Variants in SLC10A1 observed in about 807,000 individuals in gnomAD.
SLC10A1 encodes hepatic sodium/bile acid cotransporter.
SLC10A1 carries 36 observed loss-of-function variants against 20.5 expected under a neutral mutation model. The observed-to-expected ratio is 1.75, with a 90% CI of 1.34 to 2.32. SLC10A1 has a LOEUF of 2.32. SLC10A1 is among the 30% of genes most tolerant of loss of function. The probability of loss-of-function intolerance (pLI) is 0.00; values close to 1 mark genes in which losing one functional copy is unlikely to be tolerated. For missense variants in SLC10A1, 545 were observed against 439.1 expected (o/e 1.24, Z -2.16); for synonymous variants, 188 against 163.6 (o/e 1.15, Z -1.14).
intron 4 of SLC10A1, among the ~76,000 whole-genome samples, chr14:69,777,152 TTC>T (rs1362842618): frequency 6.6e-6 from 1 of 152,192 alleles, no homozygotes; most frequent in Non-Finnish European, 1.5e-5. Flanking sequence ...GTCTAGAAAC[TTC>T]TGTGCACTTT....
At chr14:69,783,482 G>A (rs988687860) in intron 2 of SLC10A1, among the ~76,000 whole-genome samples, 1 of 152,186 alleles carries the variant, frequency 6.6e-6, no homozygotes. Flanking sequence ...TAAAGGATGA[G>A]TGGGAGTGAT....
At chr14:69,779,507 T>C (rs1467334068) in intron 2 of SLC10A1, 147 bp from the exon 3 acceptor site, 3 of 570,108 alleles carry the variant, frequency 5.3e-6, no homozygotes, top group Non-Finnish European at 6.0e-6. Context: ...TTATCTTCTT[T>C]TTGGATTCCT....
chr14:69,780,106 T>C (rs2139711803), intron 2 of SLC10A1, among the ~76,000 whole-genome samples: 1 of 152,350 alleles, frequency 6.6e-6, no homozygotes, highest in Non-Finnish European at 1.5e-5. Flanking sequence ...ACCTACTTTC[T>C]TGAGTGACCT....
At chr14:69,788,634 T>A (rs896679442) in intron 1 of SLC10A1, among the ~76,000 whole-genome samples, 1 of 151,508 alleles carries the variant, frequency 6.6e-6, no homozygotes, top group Admixed American at 6.6e-5. Context: ...AAGCTCCGCC[T>A]CCTGGGTTCA....
In SLC10A1 at chr14:69,776,309, C is replaced by A; in HGVS notation, c.1023G>T (p.Gly341=). ...AGGCTGTGCAAGGGGAGCAGTCCTC[C>A]CCTTTGTAGGTGCCATTTCCCAGAG... ...PGALGNGTYK[G]EDCSPCTA Residue 341 remains glycine, a synonymous_variant, in exon 5 of 5, where the codon GGG becomes GGT. Coordinates refer to ENST00000216540, the MANE Select transcript of SLC10A1 (RefSeq NM_003049.4). The A allele has an allele frequency of 6.2e-7, 1 of 1,613,482 alleles. No individual in the cohort carries two copies. Among genetic ancestry groups the A allele is most frequent in the South Asian group, 1.1e-5 (1 of 91,040 alleles).
intron 1 of SLC10A1, among the ~76,000 whole-genome samples, chr14:69,788,579 C>A (rs1883776031): frequency 6.7e-6 from 1 of 148,952 alleles, no homozygotes; most frequent in Non-Finnish European, 1.5e-5. Context: ...GAGTCTTGCT[C>A]TGTCGCCCAG....
intron 2 of SLC10A1, among the ~76,000 whole-genome samples, chr14:69,782,061 C>G (rs777372725): frequency 1.3e-5 from 2 of 152,260 alleles, no homozygotes; most frequent in Non-Finnish European, 2.9e-5. Flanking sequence ...GCATAGTCCT[C>G]GAAGAGCCAT....
intron 1 of SLC10A1, 106 bp from the exon 2 acceptor site, chr14:69,786,413 G>T: frequency 1.2e-6 from 1 of 828,126 alleles, no homozygotes; most frequent in East Asian, 2.6e-5. Flanking sequence ...GACATATGTG[G>T]CTTCAGTTCC....
chr14:69,790,537 T>C (rs1435880459), intron 1 of SLC10A1, among the ~76,000 whole-genome samples: 1 of 152,064 alleles, frequency 6.6e-6, no homozygotes, highest in Admixed American at 6.5e-5. Context: ...TACTATATTA[T>C]TAAAGAAATG....
intron 1 of SLC10A1, among the ~76,000 whole-genome samples, chr14:69,788,836 G>T (rs879483687): frequency 1.3e-5 from 2 of 151,816 alleles, no homozygotes; most frequent in Non-Finnish European, 2.9e-5. Flanking sequence ...GTGAGCCACC[G>T]CGCCCGGCCA....
chr14:69,778,395 A>C lies in SLC10A1; in HGVS notation c.881T>G (p.Leu294Arg). The change falls in exon 4 of 5, where the codon CTT becomes CGT. Residue 294 changes from leucine (L) to arginine (R), a missense_variant. By Grantham distance (102) the Leu-to-Arg change is moderately radical. Coordinates refer to ENST00000216540, the MANE Select transcript of SLC10A1 (RefSeq NM_003049.4). The stretch of plus-strand genomic sequence containing the variant: ...GGCAATGAGGAGAAGCCCTTCTCCA[A>C]GCTGGAAAATCATGTAGAGGAGGGG... ...FFPLLYMIFQ[L>R]GEGLLLIAIF... 6.2e-7 allele frequency: 1 copy of C among 1,614,004 alleles called. No individual in the cohort carries two copies.
intron 1 of SLC10A1, among the ~76,000 whole-genome samples, chr14:69,795,421 A>G (rs1220076281): frequency 6.7e-5 from 9 of 134,284 alleles, no homozygotes; most frequent in Non-Finnish European, 1.4e-4. Context: ...TTTTTTTGAG[A>G]GAGAGACAGG....
intron 1 of SLC10A1, among the ~76,000 whole-genome samples, chr14:69,790,731 G>T (rs890423201): frequency 6.6e-6 from 1 of 151,968 alleles, no homozygotes; most frequent in Admixed American, 6.6e-5. Flanking sequence ...ATAAAGCAAA[G>T]ATAGTCATTA....
chr14:69,783,967 A>T (rs1883655944), intron 2 of SLC10A1, among the ~76,000 whole-genome samples: 1 of 152,164 alleles, frequency 6.6e-6, no homozygotes, highest in South Asian at 2.1e-4. Flanking sequence ...TTTAACATAT[A>T]TTGAGTTTTA....
chr14:69,777,865 T>TA (rs1198812161), intron 4 of SLC10A1, among the ~76,000 whole-genome samples: 1 of 151,694 alleles, frequency 6.6e-6, no homozygotes, highest in Non-Finnish European at 1.5e-5. Flanking sequence ...TTCTGGGTTA[T>TA]ATTAGGGTGC....
rs1017638391 is a variant in SLC10A1, at chr14:69,777,583, T to G, written c.943+750A>C. 2.1e-3 allele frequency among the ~76,000 whole-genome samples: 187 copies of G among 87,522 alleles called. 4 individuals carry two copies. Among genetic ancestry groups the G allele is most frequent in the Non-Finnish European group, 2.1e-3 (98 of 47,576 alleles). The allele number at this position is 87,522 out of a possible 152,430, so 57.4% of individuals were successfully genotyped here. A position where few individuals can be genotyped will look rare whatever the true frequency, so the allele number is the denominator to read the frequency against. ...AAAGTGGGTTTGAATGTCCTGTTTT[T>G]TTTTTTTTTTTTTTTTTTTTTTAAA... On this transcript the variant is annotated intron_variant, in intron 4 of 4. Coordinates refer to ENST00000216540, the MANE Select transcript of SLC10A1 (RefSeq NM_003049.4).
chr14:69,778,805 A>G (rs1883514713), intron 3 of SLC10A1, among the ~76,000 whole-genome samples: 1 of 152,154 alleles, frequency 6.6e-6, no homozygotes, highest in African/African-American at 2.4e-5. Flanking sequence ...TCAGGTTCCT[A>G]GCTTCTTATT....
At chr14:69,777,138 G>T (rs1400406060) in intron 4 of SLC10A1, among the ~76,000 whole-genome samples, 4 of 152,162 alleles carry the variant, frequency 2.6e-5, no homozygotes, top group African/African-American at 7.2e-5. Flanking sequence ...TGGGAATTTG[G>T]TTGGTCTAGA....
In SLC10A1 at chr14:69,797,203, C is replaced by T. The variant is rs770581303; in HGVS notation, c.-48G>A. The T allele has an allele frequency of 4.0e-5, 61 of 1,512,206 alleles. No homozygotes were observed. The highest frequency in any genetic ancestry group is 3.8e-5 in the Non-Finnish European group (42 of 1,108,974). The allele number at this position is 1,512,206 out of a possible 1,614,324, so 93.7% of individuals were successfully genotyped here. On this transcript the variant is annotated 5_prime_UTR_variant, in exon 1 of 5. Coordinates refer to ENST00000216540, the MANE Select transcript of SLC10A1 (RefSeq NM_003049.4). ...CCACTCCTTGTTCTCCGGCTGACTCCGTTTCTTGTGCAGTTCTTGCTGGAT... is the reference window on the plus strand; with the variant it reads ...CCACTCCTTGTTCTCCGGCTGACTCTGTTTCTTGTGCAGTTCTTGCTGGAT...
Sources: allele counts gnomAD v4.1 joint callset (sites outside exome capture counted in the v4.1 genomes callset), GRCh38; gene constraint gnomAD v4.1.1; transcripts MANE v1.5; gene names NCBI Gene and HGNC (gene_info 2026-07-23, HGNC 2026-07-21).